Variants in ATF2 observed in about 807,000 individuals in gnomAD.
ATF2 encodes the protein cyclic AMP-dependent transcription factor ATF-2.
In ATF2, 24 loss-of-function variants were observed where a neutral mutation model predicts 60.6. That is an observed-to-expected ratio of 0.40 (90% CI 0.29 to 0.56). The LOEUF (loss-of-function observed/expected upper bound fraction) is 0.56, where lower values mean the gene tolerates loss of function less well. Ranked by LOEUF, ATF2 falls within the 20% of genes least tolerant of loss-of-function variation. The pLI, the probability that ATF2 is intolerant of heterozygous loss-of-function variation, is 0.54. For missense variants in ATF2, 433 were observed against 607.7 expected (o/e 0.71, Z 3.02); for synonymous variants, 206 against 215.4 (o/e 0.96, Z 0.38).
At chr2:175,093,433 C>T (rs1694690826) in intron 11 of ATF2, among the ~76,000 whole-genome samples, 166 bp from the exon 12 acceptor site, 1 of 152,126 alleles carries the variant, frequency 6.6e-6, no homozygotes, top group Admixed American at 6.5e-5. Context: ...TAACTTCCTT[C>T]TTGAATATAC....
At chr2:175,107,738 G>C (rs569021119) in intron 10 of ATF2, among the ~76,000 whole-genome samples, 208 of 152,274 alleles carry the variant, frequency 1.4e-3, no homozygotes, top group African/African-American at 4.9e-3. Context: ...ACTGGTTTTC[G>C]TATTTTTTTT....
At chr2:175,080,602 A>G in intron 13 of ATF2, 58 bp downstream of exon 13, 1 of 1,311,680 alleles carries the variant, frequency 7.6e-7, no homozygotes. Context: ...AGCTCAGTTC[A>G]CTCTGACGGT....
At chr2:175,136,309 GA>G in intron 3 of ATF2, 102 bp downstream of exon 3, 2 of 1,133,730 alleles carry the variant, frequency 1.8e-6, no homozygotes, top group Non-Finnish European at 2.6e-6. Flanking sequence ...GTTTTGTATG[GA>G]AAAAAACACC....
intron 9 of ATF2, among the ~76,000 whole-genome samples, chr2:175,112,733 C>T (rs1696284249): frequency 6.6e-6 from 1 of 152,104 alleles, no homozygotes; most frequent in South Asian, 2.1e-4. Context: ...ACAGGTGCTT[C>T]CATCACAACT....
At chr2:175,116,916 T>A (rs1430964288) in intron 7 of ATF2, among the ~76,000 whole-genome samples, 2 of 151,980 alleles carry the variant, frequency 1.3e-5, no homozygotes, top group East Asian at 3.8e-4. Flanking sequence ...ACATATCATA[T>A]AATAAAATAA....
chr2:175,120,679 C>T (rs1455145556), intron 5 of ATF2, among the ~76,000 whole-genome samples: 1 of 151,388 alleles, frequency 6.6e-6, no homozygotes, highest in African/African-American at 2.4e-5. Context: ...TCTGTGATGA[C>T]ACAAAGGATC....
chr2:175,167,160 A>G (rs1157196172), intron 1 of ATF2, among the ~76,000 whole-genome samples: 4 of 152,122 alleles, frequency 2.6e-5, no homozygotes, highest in Non-Finnish European at 4.4e-5. Flanking sequence ...CTAGGGGCAC[A>G]AAAATAGTTC....
rs114464674 is a variant in ATF2, at chr2:175,115,652, T to C, written c.448-784A>G. On this transcript the variant is annotated intron_variant, in intron 7 of 13. Coordinates refer to ENST00000264110, the MANE Select transcript of ATF2 (RefSeq NM_001880.4). Reference sequence around the variant, plus strand: ...ATCATCAAAATCTTATTAAGCTACATAGGAAGAAGGATAAAGTAGTAGTAT... The same window carrying C: ...ATCATCAAAATCTTATTAAGCTACACAGGAAGAAGGATAAAGTAGTAGTAT... Among the ~76,000 whole-genome samples, 803 of 152,214 alleles carry C rather than the reference T, an allele frequency of 5.3e-3. 5 individuals are homozygous for C. Among genetic ancestry groups the C allele is most frequent in the African/African-American group, 0.018 (752 of 41,528 alleles).
At chr2:175,137,949 T>C (rs1399059318) in intron 2 of ATF2, among the ~76,000 whole-genome samples, 2 of 152,306 alleles carry the variant, frequency 1.3e-5, no homozygotes, top group East Asian at 3.9e-4. Flanking sequence ...TCTAACTGAA[T>C]CTAAAGCCTA....
intron 12 of ATF2, among the ~76,000 whole-genome samples, chr2:175,089,164 G>A (rs1189073025): frequency 1.5e-4 from 23 of 148,472 alleles, no homozygotes; most frequent in Non-Finnish European, 3.0e-5. Context: ...TGGGGAATAA[G>A]AGCAAAACTC....
intron 2 of ATF2, among the ~76,000 whole-genome samples, chr2:175,138,732 C>A (rs567870087): frequency 9.8e-5 from 15 of 152,322 alleles, no homozygotes; most frequent in Middle Eastern, 3.4e-3. Flanking sequence ...CTTTGTGATA[C>A]CTTCCCCATA....
chr2:175,080,610 G>T (rs12693057), intron 13 of ATF2, 50 bp downstream of exon 13: 2 of 1,382,516 alleles, frequency 1.4e-6, no homozygotes, highest in Non-Finnish European at 2.0e-6. Context: ...TCACTCTGAC[G>T]GTATTTCACT....
chr2:175,139,281 CTG>C (rs1698340678), intron 2 of ATF2, among the ~76,000 whole-genome samples: 1 of 152,108 alleles, frequency 6.6e-6, no homozygotes, highest in African/African-American at 2.4e-5. Flanking sequence ...ATTAAAAAAA[CTG>C]TAATTTGTAA....
chr2:175,124,659 T>G (rs901030887), intron 4 of ATF2, among the ~76,000 whole-genome samples: 41 of 151,838 alleles, frequency 2.7e-4, no homozygotes, highest in East Asian at 9.7e-4. Flanking sequence ...ATATTCACTG[T>G]CTCTCTCATG....
chr2:175,101,245 A>C, intron 10 of ATF2, among the ~76,000 whole-genome samples: 1 of 152,182 alleles, frequency 6.6e-6, no homozygotes, highest in East Asian at 1.9e-4. Flanking sequence ...AGCTGGCTAG[A>C]ACCAGATAGG....
chr2:175,110,266 C>T (rs1236246960), intron 10 of ATF2, among the ~76,000 whole-genome samples: 1 of 152,028 alleles, frequency 6.6e-6, no homozygotes, highest in Admixed American at 6.5e-5. Context: ...ACCCAGGAGG[C>T]GGAGGTTGCA....
At chr2:175,083,807 A>C (rs1005157384) in intron 12 of ATF2, among the ~76,000 whole-genome samples, 3 of 152,196 alleles carry the variant, frequency 2.0e-5, no homozygotes, top group Non-Finnish European at 4.4e-5. Flanking sequence ...AGAAAAAAAC[A>C]AAGAACCCCA....
intron 1 of ATF2, among the ~76,000 whole-genome samples, chr2:175,162,399 A>G (rs1286760803): frequency 1.3e-5 from 2 of 152,240 alleles, no homozygotes; most frequent in Non-Finnish European, 2.9e-5. Flanking sequence ...TAACGCATTC[A>G]TGCTCTGCTG....
intron 1 of ATF2, among the ~76,000 whole-genome samples, chr2:175,152,826 A>G (rs1699401666): frequency 6.6e-6 from 1 of 152,236 alleles, no homozygotes; most frequent in African/African-American, 2.4e-5. Context: ...TAAAATAGGG[A>G]CTACAAAAAT....
Sources: gnomAD v4.1 joint callset for allele counts (sites outside exome capture counted in the v4.1 genomes callset) on GRCh38, gnomAD v4.1.1 for gene constraint, MANE v1.5 for transcripts, NCBI Gene and HGNC (gene_info 2026-07-23, HGNC 2026-07-21) for gene names.